Variants in CD200R1 observed in about 807,000 individuals in gnomAD.
CD200R1 encodes the protein cell surface glycoprotein CD200 receptor 1.
In CD200R1, 30 loss-of-function variants were observed where a neutral mutation model predicts 38.1. The ratio of observed to expected loss-of-function variants is 0.79; its 90% CI spans 0.59 to 1.07. The LOEUF is 1.07. Among genes scored for constraint, CD200R1 ranks in the 50% least tolerant of loss-of-function variants. CD200R1 has a pLI of 0.00. For synonymous variants in CD200R1, 128 were observed against 152.1 expected, an observed-to-expected ratio of 0.84 and a Z score of 1.16; for missense variants, 372 against 415.4, an observed-to-expected ratio of 0.90 and a Z score of 0.91.
chr3:112,924,922 C>T (rs1318765615), intron 6 of CD200R1, among the ~76,000 whole-genome samples, 163 bp downstream of exon 6: 2 of 152,048 alleles, frequency 1.3e-5, no homozygotes, highest in Non-Finnish European at 2.9e-5. Context: ...CAAAGTCTCT[C>T]TCATCATTCA....
intron 1 of CD200R1, among the ~76,000 whole-genome samples, chr3:112,959,886 T>G (rs1932975020): frequency 6.6e-6 from 1 of 152,114 alleles, no homozygotes; most frequent in Non-Finnish European, 1.5e-5. Context: ...TCTTGCTTCT[T>G]TCTTGAATCT....
intron 1 of CD200R1, among the ~76,000 whole-genome samples, chr3:112,957,983 T>A (rs1478314018): frequency 6.6e-6 from 1 of 152,100 alleles, no homozygotes; most frequent in Admixed American, 6.5e-5. Flanking sequence ...AAAAGACCAA[T>A]AATAAATCCT....
chr3:112,923,813 C>CAA lies in CD200R1; in HGVS notation c.925-16_925-15dup. ...CTGCATTTCATCCTAAGAAAGAACT[C>CAA]AAAGTTAAAATCAATTCAAAAAATC... On this transcript the variant is annotated splice_polypyrimidine_tract_variant and intron_variant, in intron 7 of 7. Transcript: ENST00000308611. 6.6e-7 allele frequency: 1 copy of CAA among 1,506,720 alleles called. No homozygotes were observed. 93.3% of individuals were successfully genotyped at this position (1,506,720 alleles called of 1,614,324 possible). A position where few individuals can be genotyped will look rare whatever the true frequency, so the allele number is the denominator to read the frequency against.
Sources: allele counts gnomAD v4.1 joint callset (sites outside exome capture counted in the v4.1 genomes callset), GRCh38; gene constraint gnomAD v4.1.1; transcripts MANE v1.5; gene names NCBI Gene and HGNC (gene_info 2026-07-23, HGNC 2026-07-21).